CYP4F11: variants seen among roughly 807,000 people sequenced by gnomAD.
CYP4F11 encodes cytochrome P450 family 4 subfamily F member 11, also known as cytochrome P450 4F11.
Under a neutral mutation model 62.2 loss-of-function variants are expected in CYP4F11, and 79 were observed. That is an observed-to-expected ratio of 1.27 (90% CI 1.06 to 1.53). CYP4F11 has a LOEUF of 1.53. CYP4F11 is among the 40% of genes most tolerant of loss of function. The pLI, the probability that CYP4F11 is intolerant of heterozygous loss-of-function variation, is 0.00. For synonymous variants in CYP4F11, 290 were observed against 263.7 expected (o/e 1.10, Z -0.97); for missense variants, 777 against 680.5 (o/e 1.14, Z -1.58).
Position 15,913,233 on chromosome 19 carries a change from G to C in CYP4F11, c.*499C>G, listed in dbSNP as rs758951161. Reference sequence around the variant, plus strand: ...CAGAGAGAACGCACTGGGAGGGGGAGAAACAGGGGTGGGAAGTTGGTGGAA... The same window carrying C: ...CAGAGAGAACGCACTGGGAGGGGGACAAACAGGGGTGGGAAGTTGGTGGAA... On this transcript the variant is annotated 3_prime_UTR_variant, in exon 12 of 12. Coordinates refer to ENST00000402119, the MANE Select transcript of CYP4F11 (RefSeq NM_021187.4). The C allele has an allele frequency of 1.2e-5, 2 of 163,216 alleles. No individual in the cohort carries two copies. The highest frequency in any genetic ancestry group is 2.7e-5 in the Non-Finnish European group (2 of 73,642). The allele number at this position is 163,216 out of a possible 1,614,324, so 10.1% of individuals were successfully genotyped here.
intron 4 of CYP4F11, among the ~76,000 whole-genome samples, chr19:15,926,162 A>C (rs969321612): frequency 3.1e-3 from 20 of 6,412 alleles, no homozygotes; most frequent in African/African-American, 7.5e-3. Context: ...AGACTCCAGA[A>C]AAAAAAAAAA....
Position 15,934,447 on chromosome 19 carries a change from C to T in CYP4F11, c.-39G>A. 6.2e-7 allele frequency: 1 copy of T among 1,606,450 alleles called. No individual in the cohort carries two copies. On this transcript the variant is annotated 5_prime_UTR_variant, in exon 1 of 12. Coordinates refer to ENST00000402119, the MANE Select transcript of CYP4F11 (RefSeq NM_021187.4). ...CGGGATGGAGGGTGGGATCCTGAGG[C>T]CCAGGGAAGGGCCCAGGAAGCTCCA...
intron 2 of CYP4F11, among the ~76,000 whole-genome samples, chr19:15,928,759 G>A (rs2089688266): frequency 6.6e-6 from 1 of 152,174 alleles, no homozygotes; most frequent in African/African-American, 2.4e-5. Context: ...TAAAGAAAGG[G>A]CCCCAGACTG....
chr19:15,931,290 G>A (rs1403671676), intron 1 of CYP4F11, among the ~76,000 whole-genome samples: 2 of 151,786 alleles, frequency 1.3e-5, no homozygotes, highest in African/African-American at 4.9e-5. Flanking sequence ...ACAGAGATGG[G>A]CAGACACAAG....
intron 4 of CYP4F11, among the ~76,000 whole-genome samples, chr19:15,925,656 C>T (rs2089662960): frequency 6.6e-6 from 1 of 151,224 alleles, no homozygotes. Flanking sequence ...ACGTTCTGCA[C>T]ATGTATCCCA....
At position 15,927,252 on chromosome 19, in the gene CYP4F11, G is replaced by T; in HGVS notation, c.485C>A (p.Pro162His). ...ACTCTTGTTGAAAATCTTCATATAA[G>T]GCTTCAAGATGTTGAAATGGAAGGC... ...TPAFHFNILK[P>H]YMKIFNKSVN... is the part of the protein sequence containing the mutation. The change falls in exon 4 of 12, where the codon CCT (proline) becomes CAT (histidine). Residue 162 changes from proline (P) to histidine (H), a missense_variant. Pro to His is a moderately conservative substitution (Grantham distance 77, BLOSUM62 -2). Coordinates refer to ENST00000402119, the MANE Select transcript of CYP4F11 (RefSeq NM_021187.4). 1 of 1,614,092 alleles carries T rather than the reference G, an allele frequency of 6.2e-7. No homozygotes were observed. Among genetic ancestry groups the T allele is most frequent in the Non-Finnish European group, 8.5e-7 (1 of 1,180,014 alleles).
intron 6 of CYP4F11, among the ~76,000 whole-genome samples, chr19:15,922,891 T>TA (rs11451979): frequency 0.39 from 57,764 of 149,816 alleles, 12,306 homozygotes; most frequent in Non-Finnish European, 0.48. Flanking sequence ...CCGTCCCTAC[T>TA]AAAAAAAAAA....
chr19:15,925,600 T>G (rs2145050254), intron 4 of CYP4F11, among the ~76,000 whole-genome samples: 1 of 151,876 alleles, frequency 6.6e-6, no homozygotes, highest in East Asian at 1.9e-4. Context: ...GGTTGGTGGG[T>G]GCAGCAAACC....
At chr19:15,917,381 A>T (rs183482721) in intron 8 of CYP4F11, among the ~76,000 whole-genome samples, 3 of 152,224 alleles carry the variant, frequency 2.0e-5, no homozygotes, top group Admixed American at 1.3e-4. Context: ...CCTGTACCCC[A>T]CCCCCAAATT....
At chr19:15,925,088 G>T (rs2089658819) in intron 4 of CYP4F11, among the ~76,000 whole-genome samples, 1 of 152,134 alleles carries the variant, frequency 6.6e-6, no homozygotes, top group Non-Finnish European at 1.5e-5. Context: ...GAGAGATCTG[G>T]GTTCAAGTCC....
At position 15,913,715 on chromosome 19, in the gene CYP4F11, G is replaced by A. The variant is rs772097042; in HGVS notation, c.*17C>T. 5.6e-6 allele frequency: 9 copies of A among 1,613,724 alleles called. No homozygotes were observed. In the East Asian group the frequency reaches 6.7e-5, roughly 12 times the overall value. ...TGTTTCTGGGACTCTACAGAGGTGGGTGGGTGGGTAGGACAGTCACTGTGA... is the reference window on the plus strand; with the variant it reads ...TGTTTCTGGGACTCTACAGAGGTGGATGGGTGGGTAGGACAGTCACTGTGA... On this transcript the variant is annotated 3_prime_UTR_variant, in exon 12 of 12. Coordinates refer to ENST00000402119, the MANE Select transcript of CYP4F11 (RefSeq NM_021187.4).
intron 8 of CYP4F11, among the ~76,000 whole-genome samples, chr19:15,917,983 A>G (rs1206288660): frequency 6.6e-6 from 1 of 152,212 alleles, no homozygotes; most frequent in Non-Finnish European, 1.5e-5. Flanking sequence ...AGATATATGC[A>G]TGCATATGTT....
chr19:15,930,669 A>T (rs1483244736), intron 1 of CYP4F11, among the ~76,000 whole-genome samples: 1 of 152,148 alleles, frequency 6.6e-6, no homozygotes, highest in Non-Finnish European at 1.5e-5. Context: ...GCTCAAGAGG[A>T]TGTGTTTTCT....
At chr19:15,917,392 AC>A (rs1281465678) in intron 8 of CYP4F11, among the ~76,000 whole-genome samples, 1 of 152,148 alleles carries the variant, frequency 6.6e-6, no homozygotes, top group Non-Finnish European at 1.5e-5. Flanking sequence ...CCCCCAAATT[AC>A]TGAAATAAAA....
intron 8 of CYP4F11, among the ~76,000 whole-genome samples, chr19:15,919,521 T>TAGGTAGAC (rs1555777250): frequency 5.5e-5 from 8 of 146,188 alleles, no homozygotes; most frequent in African/African-American, 2.0e-4. Flanking sequence ...GATAGATAGA[T>TAGGTAGAC]AGACAGATAG....
chr19:15,922,248 A>G (rs1174318546), intron 7 of CYP4F11, 82 bp from the exon 8 acceptor site: 1 of 1,597,236 alleles, frequency 6.3e-7, no homozygotes, highest in African/African-American at 1.3e-5. Flanking sequence ...TGAGGCCCTC[A>G]GGAGAATGTA....
chr19:15,914,932 A>G, intron 8 of CYP4F11, 37 bp from the exon 9 acceptor site: 2 of 1,605,820 alleles, frequency 1.2e-6, no homozygotes, highest in Non-Finnish European at 1.7e-6. Context: ...TTATCAAGGG[A>G]ACAAAGACAC....
Position 15,921,136 on chromosome 19 carries a change from G to A in CYP4F11, c.1115+901C>T, listed in dbSNP as rs565388328. ...TCTCTCACTCCCTCTCTCCTCCCTCGACCTTTGCCTAGGCTCTCTTCTTGA... is the reference window on the plus strand; with the variant it reads ...TCTCTCACTCCCTCTCTCCTCCCTCAACCTTTGCCTAGGCTCTCTTCTTGA... On this transcript the variant is annotated intron_variant, in intron 8 of 11. Coordinates refer to ENST00000402119, the MANE Select transcript of CYP4F11 (RefSeq NM_021187.4). 7.2e-5 allele frequency among the ~76,000 whole-genome samples: 10 copies of A among 139,518 alleles called. No individual in the cohort carries two copies. In the South Asian group the frequency reaches 1.1e-3, roughly 16 times the overall value. 91.5% of individuals were successfully genotyped at this position (139,518 alleles called of 152,430 possible). A position where few individuals can be genotyped will look rare whatever the true frequency, so the allele number is the denominator to read the frequency against.
rs1420194060 is a variant in CYP4F11, at chr19:15,929,554, G to A, written c.246C>T (p.Thr82=). The change falls in exon 2 of 12, where the codon ACC becomes ACT. Residue 82 remains threonine (T), a synonymous_variant. Coordinates refer to ENST00000402119, the MANE Select transcript of CYP4F11 (RefSeq NM_021187.4). Reference sequence around the variant, plus strand: ...ACAACTTAAAGCCCTGGGGATATGTGGTCACCAGCTGGGTCAATGTCTTCA... The same window carrying A: ...ACAACTTAAAGCCCTGGGGATATGTAGTCACCAGCTGGGTCAATGTCTTCA... ...EGMKTLTQLV[T]TYPQGFKLWL... The A allele has an allele frequency of 6.2e-7, 1 of 1,613,596 alleles. No individual in the cohort carries two copies. Among genetic ancestry groups the A allele is most frequent in the East Asian group, 2.2e-5 (1 of 44,884 alleles).
Sources: allele counts gnomAD v4.1 joint callset (sites outside exome capture counted in the v4.1 genomes callset), GRCh38; gene constraint gnomAD v4.1.1; transcripts MANE v1.5; gene names NCBI Gene and HGNC (gene_info 2026-07-23, HGNC 2026-07-21).